LINGO2: variants seen among roughly 807,000 people sequenced by gnomAD.
The protein encoded by LINGO2 is leucine-rich repeat and immunoglobulin-like domain-containing nogo receptor-interacting protein 2.
Under a neutral mutation model 30.6 loss-of-function variants are expected in LINGO2, and 14 were observed. The ratio of observed to expected loss-of-function variants is 0.46; its 90% CI spans 0.30 to 0.72. The LOEUF is 0.72. Ranked by LOEUF, LINGO2 falls within the 30% of genes least tolerant of loss-of-function variation. LINGO2 has a pLI of 0.07. For missense variants in LINGO2, 729 were observed against 751.7 expected (o/e 0.97, Z 0.35); for synonymous variants, 317 against 288.5 (o/e 1.10, Z -1.00).
chr9:28,570,063 C>G lies in LINGO2; in HGVS notation c.-364-94038G>C, dbSNP rs570087568. 5.9e-5 allele frequency among the ~76,000 whole-genome samples: 9 copies of G among 151,768 alleles called. No individual in the cohort carries two copies. The South Asian group carries it at 1.9e-3, about 32-fold the overall frequency. On this transcript the variant is annotated intron_variant, in intron 1 of 5. Transcript: ENST00000379992. ...ACTGACGGGAAGGGTGAAGATTAAC[C>G]AAGGGAAGGCTACATATTCAGAGAA... is the stretch of plus-strand genomic sequence containing the variant.
At chr9:28,127,212 T>C (rs560302529) in intron 4 of LINGO2, among the ~76,000 whole-genome samples, 1 of 152,330 alleles carries the variant, frequency 6.6e-6, no homozygotes, top group East Asian at 1.9e-4. Flanking sequence ...GGTATGGCTT[T>C]ATGACTGGTT....
At chr9:28,861,155 T>C in the LINGO2 span, among the ~76,000 whole-genome samples, 2 of 77,142 alleles carry the variant, frequency 2.6e-5, no homozygotes, top group Admixed American at 1.6e-4. Context: ...TAATTTATAT[T>C]ATATAAATAT....
At chr9:28,231,563 C>T (rs532611648) in intron 4 of LINGO2, among the ~76,000 whole-genome samples, 2 of 152,166 alleles carry the variant, frequency 1.3e-5, no homozygotes, top group African/African-American at 2.4e-5. Flanking sequence ...CAATATCATA[C>T]ATTTGGGAAC....
the LINGO2 span, among the ~76,000 whole-genome samples, chr9:28,742,110 T>C: frequency 6.6e-6 from 1 of 152,048 alleles, no homozygotes; most frequent in African/African-American, 2.4e-5. Context: ...CCTAGCACTA[T>C]GTTTTACTAT....
chr9:28,264,007 TAGTG>T (rs1483856180), intron 4 of LINGO2, among the ~76,000 whole-genome samples: 3 of 151,886 alleles, frequency 2.0e-5, no homozygotes, highest in Non-Finnish European at 4.4e-5. Flanking sequence ...CTCTTTCTAA[TAGTG>T]AGGATAGTTT....
intron 1 of LINGO2, among the ~76,000 whole-genome samples, chr9:28,580,514 G>A (rs1366472883): frequency 6.6e-6 from 1 of 151,866 alleles, no homozygotes; most frequent in African/African-American, 2.4e-5. Context: ...GAAGGATCAT[G>A]CTGATTAATC....
intron 4 of LINGO2, among the ~76,000 whole-genome samples, chr9:28,053,412 A>C (rs569494424): frequency 2.0e-4 from 31 of 152,230 alleles, no homozygotes; most frequent in African/African-American, 5.8e-4. Flanking sequence ...AGCAAACACA[A>C]ACACATTTTC....
At chr9:28,778,219 A>T in the LINGO2 span, among the ~76,000 whole-genome samples, 1 of 152,192 alleles carries the variant, frequency 6.6e-6, no homozygotes, top group African/African-American at 2.4e-5. Flanking sequence ...ATGTTATTTT[A>T]AATCTTTTAC....
chr9:28,104,682 T>C (rs1826529304), intron 4 of LINGO2, among the ~76,000 whole-genome samples: 1 of 152,120 alleles, frequency 6.6e-6, no homozygotes, highest in Admixed American at 6.6e-5. Flanking sequence ...ACTAACTCTT[T>C]CTACTAAAAC....
At chr9:28,597,719 A>C (rs1390752084) in intron 1 of LINGO2, among the ~76,000 whole-genome samples, 1 of 152,106 alleles carries the variant, frequency 6.6e-6, no homozygotes, top group Admixed American at 6.6e-5. Context: ...ATAATTATAA[A>C]ACTATTTTGT....
At chr9:28,361,548 C>T (rs1820445188) in intron 3 of LINGO2, among the ~76,000 whole-genome samples, 1 of 151,992 alleles carries the variant, frequency 6.6e-6, no homozygotes, top group South Asian at 2.1e-4. Flanking sequence ...GCTGGGGCTA[C>T]TACCAGATCA....
the LINGO2 span, among the ~76,000 whole-genome samples, chr9:29,130,725 A>G: frequency 2.4e-3 from 362 of 151,400 alleles, 1 homozygote; most frequent in Non-Finnish European, 4.1e-3. Context: ...GGAATGAACC[A>G]GCAACCCCAA....
chr9:28,556,545 C>G (rs1164676019), intron 1 of LINGO2, among the ~76,000 whole-genome samples: 3 of 152,070 alleles, frequency 2.0e-5, no homozygotes, highest in Admixed American at 1.3e-4. Flanking sequence ...TAGGAAGAAT[C>G]AATATCGTGA....
the LINGO2 span, among the ~76,000 whole-genome samples, chr9:29,175,315 T>G: frequency 1.3e-5 from 2 of 152,134 alleles, no homozygotes; most frequent in South Asian, 4.2e-4. Flanking sequence ...CTGGCATCAA[T>G]GGACTACTAT....
chr9:28,002,914 T>A (rs1822035636), intron 5 of LINGO2, among the ~76,000 whole-genome samples: 1 of 152,126 alleles, frequency 6.6e-6, no homozygotes, highest in Non-Finnish European at 1.5e-5. Flanking sequence ...TGTCAGTGTA[T>A]GTGTGAGTGT....
the LINGO2 span, among the ~76,000 whole-genome samples, chr9:28,866,484 A>G: frequency 1.3e-5 from 2 of 152,140 alleles, no homozygotes; most frequent in Non-Finnish European, 2.9e-5. Context: ...ATTAGGAACT[A>G]TAGCATAAAC....
chr9:28,787,154 C>T, the LINGO2 span, among the ~76,000 whole-genome samples: 12 of 152,090 alleles, frequency 7.9e-5, no homozygotes, highest in South Asian at 2.1e-4. Context: ...AGTTGACACT[C>T]GTTTGTGCAA....
chr9:28,036,527 TTAGTCAA>T (rs1248192380), intron 4 of LINGO2, among the ~76,000 whole-genome samples: 1 of 152,192 alleles, frequency 6.6e-6, no homozygotes, highest in African/African-American at 2.4e-5. Flanking sequence ...GGAAGAATTT[TTAGTCAA>T]TGGAGGCAAT....
chr9:28,797,735 T>G, the LINGO2 span, among the ~76,000 whole-genome samples: 6 of 152,104 alleles, frequency 3.9e-5, no homozygotes, highest in Non-Finnish European at 8.8e-5. Context: ...GTGGGAGATC[T>G]TGGCTAGAGA....
Sources: allele counts gnomAD v4.1 joint callset (sites outside exome capture counted in the v4.1 genomes callset), GRCh38; gene constraint gnomAD v4.1.1; transcripts MANE v1.5; gene names NCBI Gene and HGNC (gene_info 2026-07-23, HGNC 2026-07-21).